The following SRD5A2 variants were observed in gnomAD, a reference collection of about 807,000 sequenced individuals.
SRD5A2 encodes steroid 5 alpha-reductase 2, also known as 3-oxo-5-alpha-steroid 4-dehydrogenase 2.
In SRD5A2, 30 loss-of-function variants were observed where a neutral mutation model predicts 27.4. That is an observed-to-expected ratio of 1.10 (90% CI 0.82 to 1.49). The LOEUF is 1.49. Ranked by LOEUF, SRD5A2 falls within the 40% of genes most tolerant of loss-of-function variation. The pLI is 0.00. For missense variants in SRD5A2, 348 were observed against 323.4 expected (o/e 1.08, Z -0.58); for synonymous variants, 141 against 133.6 (o/e 1.06, Z -0.38).
the SRD5A2 span, among the ~76,000 whole-genome samples, chr2:31,611,713 A>C: frequency 6.6e-6 from 1 of 152,320 alleles, no homozygotes; most frequent in South Asian, 2.1e-4. Context: ...GCTGGGTGGA[A>C]GTACAAAATG....
the SRD5A2 span, among the ~76,000 whole-genome samples, chr2:31,609,227 A>T: frequency 6.6e-6 from 1 of 152,090 alleles, no homozygotes; most frequent in African/African-American, 2.4e-5. Context: ...ATTCAAACTG[A>T]TCTACAGATT....
At chr2:31,545,936 A>G (rs1666242945) in intron 1 of SRD5A2, among the ~76,000 whole-genome samples, 1 of 152,204 alleles carries the variant, frequency 6.6e-6, no homozygotes, top group South Asian at 2.1e-4. Flanking sequence ...CAATATGAAA[A>G]GGATATTAAG....
chr2:31,594,145 A>C, the SRD5A2 span, among the ~76,000 whole-genome samples: 1 of 152,324 alleles, frequency 6.6e-6, no homozygotes, highest in Non-Finnish European at 1.5e-5. Flanking sequence ...AATGAAAAAT[A>C]AAAAAGATAT....
the SRD5A2 span, among the ~76,000 whole-genome samples, chr2:31,618,618 A>T: frequency 6.6e-6 from 1 of 151,818 alleles, no homozygotes; most frequent in African/African-American, 2.4e-5. Context: ...TGTGGAATCT[A>T]AAAAAATCAA....
chr2:31,523,623 G>A lies in SRD5A2; in HGVS notation c.*2573C>T, dbSNP rs543365616. 9.1e-6 allele frequency: 2 copies of A among 219,130 alleles called. No individual in the cohort carries two copies. Among genetic ancestry groups the A allele is most frequent in the African/African-American group, 4.5e-5 (2 of 44,628 alleles). 13.6% of individuals were successfully genotyped at this position (219,130 alleles called of 1,614,324 possible). A position where few individuals can be genotyped will look rare whatever the true frequency, so the allele number is the denominator to read the frequency against. ...TTTTCTTCAAGGTTGGCAGGAAAAC[G>A]CCTCTTCCGTGAAAGCTTCAGCAAG... is the stretch of plus-strand genomic sequence containing the variant. On this transcript the variant is annotated 3_prime_UTR_variant, in exon 5 of 5. Coordinates refer to ENST00000622030, the MANE Select transcript of SRD5A2 (RefSeq NM_000348.4).
rs1408917147 is a variant in SRD5A2, at chr2:31,524,550, C to T, written c.*1646G>A. On this transcript the variant is annotated 3_prime_UTR_variant, in exon 5 of 5. Coordinates refer to ENST00000622030, the MANE Select transcript of SRD5A2 (RefSeq NM_000348.4). ...ACCTTGTGAAAATCTCCAGAAGTCC[C>T]AGGATATTTTAATTCAAACAAAACT... The T allele has an allele frequency of 8.7e-6, 2 of 229,564 alleles. No homozygotes were observed. Among genetic ancestry groups the T allele is most frequent in the Admixed American group, 1.1e-4 (2 of 17,646 alleles). The allele number at this position is 229,564 out of a possible 1,614,324, so 14.2% of individuals were successfully genotyped here.
chr2:31,524,714 T>C lies in SRD5A2; in HGVS notation c.*1482A>G. 4.3e-6 allele frequency: 1 copy of C among 231,048 alleles called. No individual in the cohort carries two copies. The highest frequency in any genetic ancestry group is 8.6e-6 in the Non-Finnish European group (1 of 116,592). 14.3% of individuals were successfully genotyped at this position (231,048 alleles called of 1,614,324 possible). A position where few individuals can be genotyped will look rare whatever the true frequency, so the allele number is the denominator to read the frequency against. On this transcript the variant is annotated 3_prime_UTR_variant, in exon 5 of 5. Coordinates refer to ENST00000622030, the MANE Select transcript of SRD5A2 (RefSeq NM_000348.4). Reference sequence around the variant, plus strand: ...ATGTGACTTATATAGTGAGTTTCTGTGCTTAGTACCACTGGTGCTCATTTG... The same window carrying C: ...ATGTGACTTATATAGTGAGTTTCTGCGCTTAGTACCACTGGTGCTCATTTG...
At chr2:31,633,682 CAGTT>C in the SRD5A2 span, among the ~76,000 whole-genome samples, 3 of 152,100 alleles carry the variant, frequency 2.0e-5, no homozygotes, top group African/African-American at 7.2e-5. Flanking sequence ...CAGCAGGAAG[CAGTT>C]AGAGCAGTCG....
chr2:31,567,191 C>T lies in SRD5A2; in HGVS notation c.281+13429G>A, dbSNP rs13432637. ...TAACTTTGTGTAGACTGATTTCTTCCTTTTGGATTATTTCCCTTGAGTAGA... is the reference window on the plus strand; with the variant it reads ...TAACTTTGTGTAGACTGATTTCTTCTTTTTGGATTATTTCCCTTGAGTAGA... On this transcript the variant is annotated intron_variant, in intron 1 of 4. Transcript: ENST00000622030. Among the ~76,000 whole-genome samples the T allele has an allele frequency of 6.8e-4, 103 of 152,106 alleles. 1 individual carries two copies. The highest frequency in any genetic ancestry group is 1.0e-3 in the Non-Finnish European group (71 of 67,976).
the SRD5A2 span, among the ~76,000 whole-genome samples, chr2:31,643,429 G>C: frequency 6.6e-5 from 10 of 152,052 alleles, no homozygotes; most frequent in Admixed American, 6.5e-4. Flanking sequence ...TAAATAGATA[G>C]ATAAATAGTC....
the SRD5A2 span, among the ~76,000 whole-genome samples, chr2:31,658,730 G>T: frequency 1.3e-5 from 2 of 151,794 alleles, no homozygotes; most frequent in African/African-American, 4.8e-5. Flanking sequence ...GTAACAAAAA[G>T]CCTACCAACC....
chr2:31,661,384 T>C, the SRD5A2 span, among the ~76,000 whole-genome samples: 1 of 152,156 alleles, frequency 6.6e-6, no homozygotes, highest in Non-Finnish European at 1.5e-5. Context: ...TGCCTTTCAG[T>C]AAGCCTGCCA....
At chr2:31,556,280 G>A (rs1219333221) in intron 1 of SRD5A2, among the ~76,000 whole-genome samples, 2 of 152,216 alleles carry the variant, frequency 1.3e-5, no homozygotes, top group East Asian at 1.9e-4. Context: ...AACACAGAAT[G>A]AGTCAGTGAT....
chr2:31,529,917 A>C (rs1289074793), intron 3 of SRD5A2, among the ~76,000 whole-genome samples: 2 of 152,192 alleles, frequency 1.3e-5, no homozygotes, highest in Admixed American at 6.6e-5. Context: ...TCACGGGAGA[A>C]GGAATTTAGA....
chr2:31,549,494 G>A (rs894993409), intron 1 of SRD5A2, among the ~76,000 whole-genome samples: 1 of 152,066 alleles, frequency 6.6e-6, no homozygotes, highest in African/African-American at 2.4e-5. Flanking sequence ...TGTATTTAAT[G>A]TCACTCAAAA....
chr2:31,617,735 C>G, the SRD5A2 span, among the ~76,000 whole-genome samples: 2 of 152,224 alleles, frequency 1.3e-5, no homozygotes, highest in African/African-American at 2.4e-5. Flanking sequence ...CAGTTCCCAA[C>G]AAGCTCCTCA....
At chr2:31,586,232 T>G in the SRD5A2 span, among the ~76,000 whole-genome samples, 1 of 152,098 alleles carries the variant, frequency 6.6e-6, no homozygotes, top group African/African-American at 2.4e-5. Flanking sequence ...CAGCTCAATT[T>G]TAATGCAATA....
rs1422094082 is a variant in SRD5A2 at position 31,580,678 on chromosome 2, G to A, written c.223C>T (p.Leu75Phe). 1 of 1,598,188 alleles carries A rather than the reference G, an allele frequency of 6.3e-7. No homozygotes were observed. The highest frequency in any genetic ancestry group is 2.2e-5 in the East Asian group (1 of 44,732). ...AGILARQPLS[L>F]FGPPGTVLLG... ...AGTACCGTCCCAGGTGGCCCGAAGAGGGAGAGGGGCTGCCGGGCGAGGATC... is the reference window on the plus strand; with the variant it reads ...AGTACCGTCCCAGGTGGCCCGAAGAAGGAGAGGGGCTGCCGGGCGAGGATC... The change falls in exon 1 of 5, where the codon CTC becomes TTC. Residue 75 changes from leucine to phenylalanine, a missense_variant. Transcript: ENST00000622030.
At chr2:31,541,857 C>T (rs181713615) in intron 1 of SRD5A2, among the ~76,000 whole-genome samples, 1 of 152,294 alleles carries the variant, frequency 6.6e-6, no homozygotes, top group East Asian at 1.9e-4. Flanking sequence ...GGGCTAAACT[C>T]AGCCAATGCC....
Sources: allele counts gnomAD v4.1 joint callset (sites outside exome capture counted in the v4.1 genomes callset), GRCh38; gene constraint gnomAD v4.1.1; transcripts MANE v1.5; gene names NCBI Gene and HGNC (gene_info 2026-07-23, HGNC 2026-07-21).